Variants in TRRAP observed in about 807,000 individuals in gnomAD.
TRRAP encodes the protein transformation/transcription domain-associated protein.
In TRRAP, 41 loss-of-function variants were observed where a neutral mutation model predicts 438.8. The observed-to-expected ratio is 0.09, with a 90% CI of 0.07 to 0.12. TRRAP has a LOEUF of 0.12. Ranked by LOEUF, TRRAP falls within the 10% of genes least tolerant of loss-of-function variation. The probability of loss-of-function intolerance (pLI) is 1.00; values close to 1 mark genes in which losing one functional copy is unlikely to be tolerated. For synonymous variants in TRRAP, 1,994 were observed against 1,962.9 expected (o/e 1.02, Z -0.42); for missense variants, 3,122 against 5,055.1 (o/e 0.62, Z 11.60).
chr7:98,915,794 C>A lies in TRRAP; in HGVS notation c.2271C>A (p.Phe757Leu). The A allele has an allele frequency of 6.2e-7, 1 of 1,614,242 alleles. No individual in the cohort carries two copies. Among genetic ancestry groups the A allele is most frequent in the Non-Finnish European group, 8.5e-7 (1 of 1,180,040 alleles). The change falls in exon 19 of 73, where the codon TTC (phenylalanine) becomes TTA (leucine). Residue 757 changes from phenylalanine (F) to leucine (L), a missense_variant. Physicochemically the swap from Phe to Leu is conservative, Grantham distance 22. Coordinates refer to ENST00000456197, the MANE Select transcript of TRRAP (RefSeq NM_001375524.1). ...AQTAKEPYNY[F>L]LLLRALFRSI... ...CTGCCAAGGAACCCTACAACTACTT[C>A]TTGCTGCTACGGGCGCTGTTTCGCT...
chr7:98,996,918 A>G (rs1793687201), intron 67 of TRRAP, among the ~76,000 whole-genome samples: 1 of 152,190 alleles, frequency 6.6e-6, no homozygotes, highest in Admixed American at 6.5e-5. Flanking sequence ...ATCCTCTTTG[A>G]CAATCCAGAA....
chr7:99,003,965 CG>C (rs1794052954), intron 67 of TRRAP, among the ~76,000 whole-genome samples: 1 of 151,980 alleles, frequency 6.6e-6, no homozygotes, highest in Admixed American at 6.6e-5. Flanking sequence ...CCCAGCTACT[CG>C]GGAGGCTGAG....
chr7:98,947,612 C>T (rs1197600752), intron 33 of TRRAP, among the ~76,000 whole-genome samples: 7 of 152,102 alleles, frequency 4.6e-5, no homozygotes, highest in East Asian at 1.9e-4. Flanking sequence ...CCCGCCACCA[C>T]GCTCGGCTAA....
At position 98,894,783 on chromosome 7, in the gene TRRAP, G is replaced by GTTTTTTTTTTTT. The variant is rs56407045; in HGVS notation, c.450+916_450+927dup. On this transcript the variant is annotated intron_variant, in intron 6 of 72. Coordinates refer to ENST00000456197, the MANE Select transcript of TRRAP (RefSeq NM_001375524.1). ...CTTATGCCACCACACCCAGCTAATG[G>GTTTTTTTTTTTT]TTTTTTTTTTTTTTTTTTTTTTTTT... 3.1e-3 allele frequency among the ~76,000 whole-genome samples: 268 copies of GTTTTTTTTTTTT among 87,436 alleles called. 2 individuals are homozygous for GTTTTTTTTTTTT. The highest frequency in any genetic ancestry group is 0.011 in the Middle Eastern group (1 of 94). 57.4% of individuals were successfully genotyped at this position (87,436 alleles called of 152,430 possible).
At position 99,012,308 on chromosome 7, in the gene TRRAP, C is replaced by T; in HGVS notation, c.11575C>T (p.Leu3859=). 1.2e-6 allele frequency: 2 copies of T among 1,611,692 alleles called. No homozygotes were observed. Among genetic ancestry groups the T allele is most frequent in the Non-Finnish European group, 1.7e-6 (2 of 1,179,248 alleles). ...CACCCTGGTGGCCGCGGCAAACAGC[C>T]TGGACAATCTGTGCCGCATGGACCC... The part of the protein sequence containing the change: ...VNTLVAAANS[L]DNLCRMDPAW... The change falls in exon 73 of 73, where the codon CTG becomes TTG. Residue 3859 remains leucine, a synonymous_variant. Transcript: ENST00000456197. This position sits in a 1 kb window ranked among gnomAD's most constrained non-coding sequence, Gnocchi z 5.9.
At chr7:98,989,521 A>C (rs1411922961) in intron 63 of TRRAP, among the ~76,000 whole-genome samples, 1 of 152,282 alleles carries the variant, frequency 6.6e-6, no homozygotes, top group Non-Finnish European at 1.5e-5. Context: ...AATTAATTCC[A>C]GCAGGAAACC....
chr7:98,903,501 C>T lies in TRRAP; in HGVS notation c.1020C>T (p.Thr340=). The stretch of plus-strand genomic sequence containing the variant: ...TGATTGCTGCCAAACACATCCTCAC[C>T]ACAGAGCTGAGAAACCGTACGTCCA... ...ELLIAAKHIL[T]TELRNQFIPC... Residue 340 remains threonine, a synonymous_variant, in exon 12 of 73, where the codon ACC becomes ACT. Coordinates refer to ENST00000456197, the MANE Select transcript of TRRAP (RefSeq NM_001375524.1). The T allele has an allele frequency of 6.2e-7, 1 of 1,614,106 alleles. No homozygotes were observed. The highest frequency in any genetic ancestry group is 8.5e-7 in the Non-Finnish European group (1 of 1,180,016).
intron 51 of TRRAP, among the ~76,000 whole-genome samples, chr7:98,969,032 T>C (rs1318704716): frequency 6.6e-6 from 1 of 152,204 alleles, no homozygotes; most frequent in Admixed American, 6.5e-5. Flanking sequence ...TGCCCCTGAG[T>C]ATCTGCTCCC....
At chr7:98,878,892 C>T (rs1327798062) in intron 1 of TRRAP, among the ~76,000 whole-genome samples, 2 of 152,168 alleles carry the variant, frequency 1.3e-5, no homozygotes, top group African/African-American at 4.8e-5. Context: ...CGCCGTAGCT[C>T]GGCCTGGGAC....
chr7:99,005,486 T>A lies in TRRAP; in HGVS notation c.10753+138T>A. ...TGCGTCAGCAGAGAATGTTGTAGTC[T>A]GTGCTGACCAGGGAAGGCCTCAGGA... On this transcript the variant is annotated intron_variant, in intron 69 of 72. Coordinates refer to ENST00000456197, the MANE Select transcript of TRRAP (RefSeq NM_001375524.1). This position sits in a 1 kb window ranked among gnomAD's most constrained non-coding sequence, Gnocchi z 5.1. The A allele has an allele frequency of 1.2e-6, 1 of 801,806 alleles. No individual in the cohort carries two copies. The highest frequency in any genetic ancestry group is 2.0e-6 in the Non-Finnish European group (1 of 501,012). 49.7% of individuals were successfully genotyped at this position (801,806 alleles called of 1,614,324 possible). A position where few individuals can be genotyped will look rare whatever the true frequency, so the allele number is the denominator to read the frequency against.
At position 98,988,911 on chromosome 7, in the gene TRRAP, A is replaced by T; in HGVS notation, c.9536A>T (p.Tyr3179Phe). 1 of 1,614,150 alleles carries T rather than the reference A, an allele frequency of 6.2e-7. No individual in the cohort carries two copies. The highest frequency in any genetic ancestry group is 8.5e-7 in the Non-Finnish European group (1 of 1,180,044). ...LHLGVSAITC[Y>F]LHACRHQNES... ...CTGGGCGTGTCTGCCATCACCTGCT[A>T]CCTGCACGCCTGCCGGCATCAGAAC... The change falls in exon 63 of 73, where the codon TAC becomes TTC. Residue 3179 changes from tyrosine (Y) to phenylalanine (F), a missense_variant. Transcript: ENST00000456197.
In TRRAP at chr7:98,953,401, A is replaced by G. The variant is rs1554418733; in HGVS notation, c.5698A>G (p.Lys1900Glu). The change falls in exon 40 of 73, where the codon AAA (lysine) becomes GAA (glutamate). Residue 1900 changes from lysine to glutamate, a missense_variant. By Grantham distance (56) the Lys-to-Glu change is moderately conservative (BLOSUM62 1). Coordinates refer to ENST00000456197, the MANE Select transcript of TRRAP (RefSeq NM_001375524.1). Reference sequence around the variant, plus strand: ...CTTGCTCCTGGCGCACATTATCGCCAAATTCGCCATACACAAGAAGATCGT... The same window carrying G: ...CTTGCTCCTGGCGCACATTATCGCCGAATTCGCCATACACAAGAAGATCGT... ...GHLLLAHIIA[K>E]FAIHKKIVLQ... 6.2e-7 allele frequency: 1 copy of G among 1,612,898 alleles called. No individual in the cohort carries two copies. Among genetic ancestry groups the G allele is most frequent in the East Asian group, 2.2e-5 (1 of 44,884 alleles).
chr7:98,904,746 T>C (rs1455859474), intron 12 of TRRAP, among the ~76,000 whole-genome samples: 1 of 152,208 alleles, frequency 6.6e-6, no homozygotes, highest in Non-Finnish European at 1.5e-5. Context: ...CAAGATATTA[T>C]AGGATGCTTT....
Position 99,013,028 on chromosome 7 carries a change from GC to G in TRRAP, c.*674del, listed in dbSNP as rs1399834020. On this transcript the variant is annotated 3_prime_UTR_variant, in exon 73 of 73. Transcript: ENST00000456197. ...GCGGCTCCTGTGCTTTTTATTTCTG[GC>G]TCTTCGGATGTCTTCTAGACATTTA... 1.3e-5 allele frequency: 2 copies of G among 152,204 alleles called. No individual in the cohort carries two copies. The highest frequency in any genetic ancestry group is 4.8e-5 in the African/African-American group (2 of 41,456). The allele number at this position is 152,204 out of a possible 1,614,324, so 9.4% of individuals were successfully genotyped here. A position where few individuals can be genotyped will look rare whatever the true frequency, so the allele number is the denominator to read the frequency against.
chr7:98,898,957 G>T (rs1379479035), intron 8 of TRRAP, among the ~76,000 whole-genome samples: 3 of 152,208 alleles, frequency 2.0e-5, no homozygotes, highest in African/African-American at 7.2e-5. Flanking sequence ...GGAGACCAAG[G>T]TGGGCAGATC....
chr7:98,945,978 G>A (rs1791039050), intron 33 of TRRAP, 28 bp downstream of exon 33: 1 of 1,430,854 alleles, frequency 7.0e-7, no homozygotes, highest in Non-Finnish European at 9.2e-7. Flanking sequence ...GCTACAGGAG[G>A]GGGTTGTTGT....
At chr7:98,880,958 C>A in intron 1 of TRRAP, 132 bp from the exon 2 acceptor site, 1 of 411,210 alleles carries the variant, frequency 2.4e-6, no homozygotes, top group South Asian at 1.1e-4. Context: ...TTAAAAAAAC[C>A]AGAAGGAATA....
intron 30 of TRRAP, among the ~76,000 whole-genome samples, chr7:98,940,650 A>AT (rs1160314930): frequency 6.6e-6 from 1 of 152,014 alleles, no homozygotes; most frequent in African/African-American, 2.4e-5. Context: ...ATTTAGGTGA[A>AT]TTTTTTCCTC....
rs1238203030 is a variant in TRRAP, at chr7:98,910,269, G to GCCC, written c.1567_1569dup (p.Pro523dup). 1 of 1,282,182 alleles carries GCCC rather than the reference G, an allele frequency of 7.8e-7. No individual in the cohort carries two copies. Among genetic ancestry groups the GCCC allele is most frequent in the Non-Finnish European group, 1.0e-6 (1 of 998,686 alleles). The allele number at this position is 1,282,182 out of a possible 1,614,324, so 79.4% of individuals were successfully genotyped here. A position where few individuals can be genotyped will look rare whatever the true frequency, so the allele number is the denominator to read the frequency against. ...CCCACCTGCCACCCCTGTGACCCCG[G>GCCC]CCCCCGTGCCTCCCTTCGAGAAGCA... On this transcript the variant is annotated inframe_insertion, in exon 15 of 73. Coordinates refer to ENST00000456197, the MANE Select transcript of TRRAP (RefSeq NM_001375524.1).
Sources: gnomAD v4.1 joint callset for allele counts (sites outside exome capture counted in the v4.1 genomes callset) on GRCh38, gnomAD v4.1.1 for gene constraint, Gnocchi (gnomAD v3.1) non-coding constraint, MANE v1.5 for transcripts, NCBI Gene and HGNC (gene_info 2026-07-23, HGNC 2026-07-21) for gene names.